The following FSD2 variants were observed in gnomAD, a reference collection of about 807,000 sequenced individuals.
The protein encoded by FSD2 is fibronectin type III and SPRY domain containing 2.
In FSD2, 71 loss-of-function variants were observed where a neutral mutation model predicts 80.4. The observed-to-expected ratio is 0.88, with a 90% confidence interval of 0.73 to 1.08. The LOEUF is 1.08. Among genes scored for constraint, FSD2 ranks in the 50% least tolerant of loss-of-function variants. The pLI, the probability that FSD2 is intolerant of heterozygous loss-of-function variation, is 0.00. For missense variants in FSD2, 923 were observed against 913.8 expected (o/e 1.01, Z -0.13); for synonymous variants, 361 against 329.5 (o/e 1.10, Z -1.03).
chr15:82,786,320 G>A (rs1256929036), intron 3 of FSD2, among the ~76,000 whole-genome samples, 191 bp downstream of exon 3: 1 of 152,218 alleles, frequency 6.6e-6, no homozygotes, highest in East Asian at 1.9e-4. Context: ...ATGCTGACAG[G>A]TAATTGGTTC....
intron 1 of FSD2, among the ~76,000 whole-genome samples, chr15:82,790,441 A>T (rs2050113563): frequency 6.6e-6 from 1 of 152,094 alleles, no homozygotes; most frequent in Admixed American, 6.6e-5. Context: ...TATTTCCTCT[A>T]ATAAAATTAT....
intron 1 of FSD2, among the ~76,000 whole-genome samples, chr15:82,798,644 C>T (rs1285021069): frequency 1.3e-5 from 2 of 152,066 alleles, no homozygotes; most frequent in Non-Finnish European, 2.9e-5. Flanking sequence ...TTTTCCTTAA[C>T]TTCCATTTAT....
chr15:82,786,577 C>T lies in FSD2; in HGVS notation c.669G>A (p.Leu223=), dbSNP rs754209025. ...KDEIHKNMYK[L]EKQIIEMENF... ...TTTCCATCTCAATTATCTGCTTTTC[C>T]AATTTGTACATGTTTTTGTGAATTT... The change falls in exon 3 of 13, where the codon TTG becomes TTA. Residue 223 remains leucine, a synonymous_variant. Coordinates refer to ENST00000334574, the MANE Select transcript of FSD2 (RefSeq NM_001007122.4). 67 of 1,613,408 alleles carry T rather than the reference C, an allele frequency of 4.2e-5. No individual in the cohort carries two copies. Among genetic ancestry groups the T allele is most frequent in the Non-Finnish European group, 5.4e-5 (64 of 1,179,634 alleles).
chr15:82,766,086 G>A (rs1004545420), intron 9 of FSD2, 55 bp from the exon 10 acceptor site: 24 of 1,498,326 alleles, frequency 1.6e-5, no homozygotes, highest in Non-Finnish European at 2.1e-5. Context: ...CCAGGCCCAA[G>A]CACCAGGCAT....
chr15:82,793,138 C>G (rs1301185753), intron 1 of FSD2, among the ~76,000 whole-genome samples: 1 of 152,096 alleles, frequency 6.6e-6, no homozygotes, highest in Non-Finnish European at 1.5e-5. Flanking sequence ...CTCTGTCACC[C>G]AGGCTGGAGT....
chr15:82,769,043 GA>G lies in FSD2; in HGVS notation c.1403-14del. 1.3e-6 allele frequency: 2 copies of G among 1,554,640 alleles called. No homozygotes were observed. Among genetic ancestry groups the G allele is most frequent in the Admixed American group, 2.0e-5 (1 of 50,594 alleles). ...GGGGGAGAAGGTGCTAAATGTGGGA[GA>G]AAGGGAGAGATGAACAACTGTTGTG... On this transcript the variant is annotated splice_polypyrimidine_tract_variant and intron_variant, in intron 8 of 12. Transcript: ENST00000334574.
chr15:82,801,259 T>C (rs1007759011), intron 1 of FSD2, among the ~76,000 whole-genome samples: 2 of 152,224 alleles, frequency 1.3e-5, no homozygotes, highest in Non-Finnish European at 2.9e-5. Context: ...TGTCCTGCTC[T>C]TAACCCAGAG....
chr15:82,768,921 CTCCACAGTGTACGAG>C lies in FSD2; in HGVS notation c.1497_1511del (p.Asp499_Val503del). 6.3e-7 allele frequency: 1 copy of C among 1,599,830 alleles called. No individual in the cohort carries two copies. The highest frequency in any genetic ancestry group is 1.1e-5 in the South Asian group (1 of 87,852). ...CTTCTGGACTTTCAGCCTGGGTCAGCTCCACAGTGTACGAGTCCACAGGATTCAGGTTCCCAGACT... is the reference window on the plus strand; with the variant it reads ...CTTCTGGACTTTCAGCCTGGGTCAGCTCCACAGGATTCAGGTTCCCAGACT... On this transcript the variant is annotated inframe_deletion, in exon 9 of 13. Transcript: ENST00000334574.
intron 12 of FSD2, among the ~76,000 whole-genome samples, chr15:82,761,708 G>A (rs1445160891): frequency 6.7e-6 from 1 of 149,250 alleles, no homozygotes; most frequent in African/African-American, 2.5e-5. Context: ...TAGAGACGGG[G>A]TCTTGCTATG....
At position 82,801,540 on chromosome 15, in the gene FSD2, C is replaced by T. The variant is rs373063615; in HGVS notation, c.-79+4426G>A. Among the ~76,000 whole-genome samples the T allele has an allele frequency of 7.9e-5, 12 of 152,268 alleles. No homozygotes were observed. In the East Asian group the frequency reaches 1.9e-3, roughly 25 times the overall value. ...TCTCCTCTTCACTCTGAAGTGTCCACGGGATGCTGTTTTTCTAGGTACTGT... is the reference window on the plus strand; with the variant it reads ...TCTCCTCTTCACTCTGAAGTGTCCATGGGATGCTGTTTTTCTAGGTACTGT... On this transcript the variant is annotated intron_variant, in intron 1 of 12. Transcript: ENST00000334574.
At chr15:82,767,024 C>T (rs1303195105) in intron 9 of FSD2, among the ~76,000 whole-genome samples, 1 of 152,208 alleles carries the variant, frequency 6.6e-6, no homozygotes, top group Non-Finnish European at 1.5e-5. Context: ...AGGTTATCTT[C>T]AGGCTGCAGC....
intron 1 of FSD2, among the ~76,000 whole-genome samples, chr15:82,802,569 C>T (rs2050440036): frequency 6.6e-6 from 1 of 152,164 alleles, no homozygotes; most frequent in Admixed American, 6.5e-5. Context: ...TGAGCTCTTA[C>T]TTGGCATCAT....
intron 1 of FSD2, among the ~76,000 whole-genome samples, chr15:82,791,225 C>T (rs758918761): frequency 2.0e-5 from 3 of 151,948 alleles, no homozygotes; most frequent in Non-Finnish European, 2.9e-5. Flanking sequence ...GTCTCGATCT[C>T]CTGACCTTGT....
chr15:82,784,853 T>G (rs2049958102), intron 3 of FSD2, among the ~76,000 whole-genome samples: 1 of 152,204 alleles, frequency 6.6e-6, no homozygotes, highest in African/African-American at 2.4e-5. Context: ...TGACCTCATC[T>G]GGAAGGTTGG....
intron 6 of FSD2, among the ~76,000 whole-genome samples, chr15:82,778,127 C>CATATATATAT (rs34527251): frequency 0.026 from 2,165 of 83,820 alleles, 74 homozygotes; most frequent in East Asian, 0.056. Context: ...ACAAAAAAAC[C>CATATATATAT]ATATATATAT....
chr15:82,786,097 A>C (rs1366820574), intron 3 of FSD2, among the ~76,000 whole-genome samples: 4 of 152,178 alleles, frequency 2.6e-5, no homozygotes, highest in Non-Finnish European at 5.9e-5. Context: ...ATAAGGGTCT[A>C]AATCACATAC....
chr15:82,790,882 G>A (rs1410667685), intron 1 of FSD2, among the ~76,000 whole-genome samples: 1 of 151,436 alleles, frequency 6.6e-6, no homozygotes, highest in African/African-American at 2.4e-5. Flanking sequence ...ACCACGCCCG[G>A]CCCATTGTGT....
chr15:82,787,528 A>T, intron 1 of FSD2, 60 bp from the exon 2 acceptor site: 1 of 765,762 alleles, frequency 1.3e-6, no homozygotes, highest in Non-Finnish European at 2.1e-6. Flanking sequence ...GTAGATGATC[A>T]TTAGATTGGG....
intron 1 of FSD2, among the ~76,000 whole-genome samples, chr15:82,790,742 ATT>A (rs56148573): frequency 5.3e-5 from 7 of 132,666 alleles, no homozygotes; most frequent in East Asian, 2.2e-4. Context: ...TGCCCAGCTA[ATT>A]TTTTTTTTTT....
Sources: allele counts gnomAD v4.1 joint callset (sites outside exome capture counted in the v4.1 genomes callset), GRCh38; gene constraint gnomAD v4.1.1; transcripts MANE v1.5; gene names NCBI Gene and HGNC (gene_info 2026-07-23, HGNC 2026-07-21).